The following PARD3B variants were observed in gnomAD, a reference collection of about 807,000 sequenced individuals.
PARD3B encodes the protein par-3 family cell polarity regulator beta, also known as partitioning defective 3 homolog B.
In PARD3B, 103 loss-of-function variants were observed where a neutral mutation model predicts 130.2. The observed-to-expected ratio is 0.79, with a 90% CI of 0.67 to 0.93. The LOEUF (loss-of-function observed/expected upper bound fraction) is 0.93, where lower values mean the gene tolerates loss of function less well. Among genes scored for constraint, PARD3B ranks in the 40% least tolerant of loss-of-function variants. PARD3B has a pLI of 0.00. For missense variants in PARD3B, 1,609 were observed against 1,499.2 expected (o/e 1.07, Z -1.21); for synonymous variants, 583 against 553.2 (o/e 1.05, Z -0.76).
chr2:205,034,165 A>T (rs1337112601), intron 3 of PARD3B, among the ~76,000 whole-genome samples: 6 of 152,112 alleles, frequency 3.9e-5, no homozygotes, highest in Non-Finnish European at 4.4e-5. Context: ...TACTCTAAAG[A>T]TTACTTAGCT....
At chr2:204,913,774 T>G (rs780191932) in intron 2 of PARD3B, among the ~76,000 whole-genome samples, 7 of 152,240 alleles carry the variant, frequency 4.6e-5, no homozygotes, top group Non-Finnish European at 1.0e-4. Flanking sequence ...ACTAAAAATA[T>G]ACATTTTGTT....
chr2:204,720,292 C>A lies in PARD3B; in HGVS notation c.222+34010C>A, dbSNP rs74882429. 0.012 allele frequency among the ~76,000 whole-genome samples: 1,871 copies of A among 152,232 alleles called. 71 individuals are homozygous for A. The East Asian group carries it at 0.14, about 12-fold the overall frequency. The stretch of plus-strand genomic sequence containing the variant: ...TGTTGCCACGTGAGAATCCTTGGTG[C>A]TTTTGCCAGTCCATGATGTAGCTTT... On this transcript the variant is annotated intron_variant, in intron 2 of 22. Coordinates refer to ENST00000406610, the MANE Select transcript of PARD3B (RefSeq NM_001302769.2).
intron 4 of PARD3B, among the ~76,000 whole-genome samples, chr2:205,076,816 A>G (rs2125500594): frequency 6.6e-6 from 1 of 152,290 alleles, no homozygotes; most frequent in Admixed American, 6.5e-5. Flanking sequence ...CCCTGGTGCC[A>G]AAAAGATTGG....
intron 2 of PARD3B, among the ~76,000 whole-genome samples, chr2:204,960,246 T>A (rs1469933085): frequency 6.6e-6 from 1 of 152,168 alleles, no homozygotes; most frequent in Non-Finnish European, 1.5e-5. Flanking sequence ...TATTGGCAGA[T>A]AGCTGGGTGA....
chr2:205,123,922 A>G (rs956473750), intron 8 of PARD3B, among the ~76,000 whole-genome samples: 1 of 152,174 alleles, frequency 6.6e-6, no homozygotes, highest in Non-Finnish European at 1.5e-5. Context: ...ATTGAGACAC[A>G]AGTAGAGGGC....
chr2:204,599,298 C>T (rs913577449), intron 1 of PARD3B, among the ~76,000 whole-genome samples: 5 of 151,862 alleles, frequency 3.3e-5, no homozygotes, highest in Admixed American at 1.3e-4. Context: ...TCCCATCTAG[C>T]TATTATTTTG....
intron 2 of PARD3B, among the ~76,000 whole-genome samples, chr2:204,835,917 A>G (rs2044015307): frequency 6.6e-6 from 1 of 152,206 alleles, no homozygotes; most frequent in African/African-American, 2.4e-5. Flanking sequence ...TATGTTAGGT[A>G]TATTAAATGC....
chr2:204,597,055 A>C (rs185413747), intron 1 of PARD3B, among the ~76,000 whole-genome samples: 1 of 152,180 alleles, frequency 6.6e-6, no homozygotes, highest in African/African-American at 2.4e-5. Flanking sequence ...AAATTGTGTA[A>C]AGGCAGCAAT....
chr2:204,865,689 C>T (rs574068880), intron 2 of PARD3B, among the ~76,000 whole-genome samples: 1 of 152,242 alleles, frequency 6.6e-6, no homozygotes, highest in South Asian at 2.1e-4. Flanking sequence ...ACAGTGTACA[C>T]TGCTCAGGTG....
chr2:205,176,232 C>G lies in PARD3B; in HGVS notation c.1792-213C>G, dbSNP rs1038454782. On this transcript the variant is annotated intron_variant, in intron 12 of 22. Transcript: ENST00000406610. The surrounding 1 kb of genome is among the most constrained non-coding windows in gnomAD (Gnocchi z 5.3). ...CTCTTTTGTGTTGGCTATCAGCACT[C>G]CTAATCCTTAGCACCACAGTGTCAG... Among the ~76,000 whole-genome samples the G allele has an allele frequency of 1.3e-5, 2 of 152,130 alleles. No homozygotes were observed. Among genetic ancestry groups the G allele is most frequent in the African/African-American group, 4.8e-5 (2 of 41,422 alleles).
At chr2:204,999,809 C>A (rs2335705) in intron 3 of PARD3B, among the ~76,000 whole-genome samples, 132,592 of 152,158 alleles carry the variant, frequency 0.87, 57,897 homozygotes, top group East Asian at 0.99. Flanking sequence ...CAAGTGGTAC[C>A]TGATATATTT....
At chr2:204,853,308 A>C (rs1453283620) in intron 2 of PARD3B, among the ~76,000 whole-genome samples, 1 of 152,140 alleles carries the variant, frequency 6.6e-6, no homozygotes, top group African/African-American at 2.4e-5. Context: ...CATCTCACTC[A>C]CCTTAGGGAG....
intron 2 of PARD3B, among the ~76,000 whole-genome samples, chr2:204,852,552 A>G (rs1020641290): frequency 1.3e-5 from 2 of 148,402 alleles, no homozygotes; most frequent in African/African-American, 5.0e-5. Context: ...TAAATACTGG[A>G]AAAAAAATCT....
At chr2:204,758,139 C>A (rs2040755129) in intron 2 of PARD3B, among the ~76,000 whole-genome samples, 1 of 152,128 alleles carries the variant, frequency 6.6e-6, no homozygotes, top group South Asian at 2.1e-4. Flanking sequence ...GTGTCTCATC[C>A]TCCAGGGCCT....
intron 2 of PARD3B, among the ~76,000 whole-genome samples, chr2:204,806,054 G>A (rs193216498): frequency 6.6e-4 from 100 of 151,928 alleles, no homozygotes; most frequent in Non-Finnish European, 1.2e-3. Flanking sequence ...TAAAATGTAC[G>A]TTCTGCCCAA....
rs552730834 is a variant in PARD3B, at chr2:204,967,818, G to A, written c.394+2495G>A. On this transcript the variant is annotated intron_variant, in intron 3 of 22. Transcript: ENST00000406610. This position sits in a 1 kb window ranked among gnomAD's most constrained non-coding sequence, Gnocchi z 4.4. ...TGTGCACCTCCAGATGGAGAGATGTGGTTGGCAGTAGAGGCAGTATTGATG... is the reference window on the plus strand; with the variant it reads ...TGTGCACCTCCAGATGGAGAGATGTAGTTGGCAGTAGAGGCAGTATTGATG... Among the ~76,000 whole-genome samples, 11 of 152,292 alleles carry A rather than the reference G, an allele frequency of 7.2e-5. No individual in the cohort carries two copies. The highest frequency in any genetic ancestry group is 2.6e-4 in the African/African-American group (11 of 41,558).
intron 18 of PARD3B, among the ~76,000 whole-genome samples, chr2:205,368,030 C>A (rs1038563385): frequency 6.6e-6 from 1 of 152,194 alleles, no homozygotes; most frequent in South Asian, 2.1e-4. Flanking sequence ...AAATGTTCAA[C>A]ACTCTGGGAT....
Position 204,837,594 on chromosome 2 carries a change from T to C in PARD3B, c.223-127558T>C, listed in dbSNP as rs918938274. 2.6e-4 allele frequency among the ~76,000 whole-genome samples: 40 copies of C among 152,010 alleles called. 1 individual carries two copies. The highest frequency in any genetic ancestry group is 9.6e-4 in the African/African-American group (40 of 41,478). On this transcript the variant is annotated intron_variant, in intron 2 of 22. Coordinates refer to ENST00000406610, the MANE Select transcript of PARD3B (RefSeq NM_001302769.2). ...GTCACCATGCCTGGCCTGGTCTTTC[T>C]TAAAGAGGGCTTTCCCTGAGTGTAT... is the stretch of plus-strand genomic sequence containing the variant.
At chr2:204,885,256 G>T (rs927284136) in intron 2 of PARD3B, among the ~76,000 whole-genome samples, 4 of 152,140 alleles carry the variant, frequency 2.6e-5, no homozygotes, top group Admixed American at 2.0e-4. Flanking sequence ...TCATCTATTT[G>T]TTGGCCTCAT....
Sources: gnomAD v4.1 joint callset for allele counts (sites outside exome capture counted in the v4.1 genomes callset) on GRCh38, gnomAD v4.1.1 for gene constraint, Gnocchi (gnomAD v3.1) non-coding constraint, MANE v1.5 for transcripts, NCBI Gene and HGNC (gene_info 2026-07-23, HGNC 2026-07-21) for gene names.